The following SMYD3 variants were observed in gnomAD, a reference collection of about 807,000 sequenced individuals.
SMYD3 encodes histone-lysine N-methyltransferase SMYD3.
SMYD3 carries 36 observed loss-of-function variants against 57.7 expected under a neutral mutation model. The ratio of observed to expected loss-of-function variants is 0.62; its 90% CI spans 0.48 to 0.82. The LOEUF is 0.82. Ranked by LOEUF, SMYD3 falls within the 40% of genes least tolerant of loss-of-function variation. The pLI, the probability that SMYD3 is intolerant of heterozygous loss-of-function variation, is 0.00. For missense variants in SMYD3, 515 were observed against 538.8 expected, an observed-to-expected ratio of 0.96 and a Z score of 0.44; for synonymous variants, 211 against 195.0, an observed-to-expected ratio of 1.08 and a Z score of -0.68.
chr1:245,910,995 T>C (rs902885057), intron 8 of SMYD3, among the ~76,000 whole-genome samples: 4 of 151,964 alleles, frequency 2.6e-5, no homozygotes, highest in African/African-American at 9.7e-5. Context: ...AAAGTATTCA[T>C]TGGACAAGAG....
At chr1:245,901,684 A>T (rs926718327) in intron 8 of SMYD3, among the ~76,000 whole-genome samples, 2 of 152,200 alleles carry the variant, frequency 1.3e-5, no homozygotes, top group Non-Finnish European at 2.9e-5. Flanking sequence ...AGATAACCAC[A>T]GGTTAAACAG....
chr1:246,056,940 CCTA>C (rs2060162327), intron 5 of SMYD3, among the ~76,000 whole-genome samples: 1 of 152,184 alleles, frequency 6.6e-6, no homozygotes, highest in Non-Finnish European at 1.5e-5. Context: ...CAGGTCCCGT[CCTA>C]CTGCTGTGAC....
chr1:246,185,683 G>T (rs147907583), intron 5 of SMYD3, among the ~76,000 whole-genome samples: 197 of 152,136 alleles, frequency 1.3e-3, no homozygotes, highest in African/African-American at 4.6e-3. Flanking sequence ...GGATGGTCTC[G>T]ATCTCCTGAT....
rs563481489 is a variant in SMYD3 at position 246,507,237 on chromosome 1, C to G, written c.-20G>C. 811 of 1,494,298 alleles carry G rather than the reference C, an allele frequency of 5.4e-4. 1 individual carries two copies. The African/African-American group carries it at 0.011, about 20-fold the overall frequency. 92.6% of individuals were successfully genotyped at this position (1,494,298 alleles called of 1,614,324 possible). A position where few individuals can be genotyped will look rare whatever the true frequency, so the allele number is the denominator to read the frequency against. ...CTCCATCCTCCCGCAGCTCCGGCAC[C>G]TCAGACGGCTACCCGCGTCCAGCAG... On this transcript the variant is annotated 5_prime_UTR_variant, in exon 1 of 12. Transcript: ENST00000490107.
intron 11 of SMYD3, among the ~76,000 whole-genome samples, 199 bp downstream of exon 11, chr1:245,763,842 T>C (rs1368832746): frequency 6.6e-6 from 1 of 152,210 alleles, no homozygotes; most frequent in Non-Finnish European, 1.5e-5. Context: ...ATGGTGGGCA[T>C]GCCTGCATCA....
At chr1:246,037,022 T>A (rs1180318574) in intron 5 of SMYD3, among the ~76,000 whole-genome samples, 1 of 152,158 alleles carries the variant, frequency 6.6e-6, no homozygotes, top group Non-Finnish European at 1.5e-5. Context: ...GGATGTAGCA[T>A]AATTTATATA....
At chr1:246,099,762 T>C (rs1308398600) in intron 5 of SMYD3, among the ~76,000 whole-genome samples, 1 of 152,206 alleles carries the variant, frequency 6.6e-6, no homozygotes, top group African/African-American at 2.4e-5. Context: ...GGCCTTTTAA[T>C]AGCTCTTTCC....
At chr1:246,125,869 A>G (rs1180226072) in intron 5 of SMYD3, among the ~76,000 whole-genome samples, 7 of 152,182 alleles carry the variant, frequency 4.6e-5, no homozygotes, top group Non-Finnish European at 5.9e-5. Flanking sequence ...CACCACCAAG[A>G]AAACATAATT....
chr1:245,800,698 A>G (rs955015840), intron 10 of SMYD3, among the ~76,000 whole-genome samples: 54 of 152,210 alleles, frequency 3.5e-4, no homozygotes, highest in African/African-American at 1.2e-3. Context: ...GTACAAATGC[A>G]TAAGAAAAGA....
intron 1 of SMYD3, among the ~76,000 whole-genome samples, chr1:246,466,909 T>A (rs528086307): frequency 2.6e-5 from 4 of 152,186 alleles, no homozygotes; most frequent in Non-Finnish European, 5.9e-5. Flanking sequence ...GGCTCACGCC[T>A]GTAATCCCAG....
In SMYD3 at chr1:246,084,139, T is replaced by C. The variant is rs139252904; in HGVS notation, c.532-154202A>G. Among the ~76,000 whole-genome samples the C allele has an allele frequency of 6.0e-3, 910 of 151,864 alleles. 10 individuals carry two copies. Among genetic ancestry groups the C allele is most frequent in the African/African-American group, 0.02 (848 of 41,396 alleles). ...AAATGATTTTTGTGTGATAGAAAGA[T>C]AGCCCCAAAGACAACAGTTTTATTG... On this transcript the variant is annotated intron_variant, in intron 5 of 11. Transcript: ENST00000490107.
chr1:246,429,324 A>C (rs987733928), intron 1 of SMYD3, among the ~76,000 whole-genome samples: 1 of 152,172 alleles, frequency 6.6e-6, no homozygotes, highest in African/African-American at 2.4e-5. Context: ...AAATTCATCA[A>C]ATGTAAGATG....
At chr1:246,450,554 C>T (rs1411283524) in intron 1 of SMYD3, among the ~76,000 whole-genome samples, 4 of 152,150 alleles carry the variant, frequency 2.6e-5, no homozygotes, top group East Asian at 1.9e-4. Flanking sequence ...CGGAATTCAT[C>T]GAATGGTATA....
intron 5 of SMYD3, among the ~76,000 whole-genome samples, chr1:245,979,011 T>A (rs1233579070): frequency 6.6e-6 from 1 of 152,170 alleles, no homozygotes; most frequent in African/African-American, 2.4e-5. Flanking sequence ...CTACCGTATA[T>A]CAGAGAGCCC....
chr1:245,998,929 G>A (rs2058983551), intron 5 of SMYD3, among the ~76,000 whole-genome samples: 1 of 152,166 alleles, frequency 6.6e-6, no homozygotes, highest in Admixed American at 6.5e-5. Flanking sequence ...CCACTTACGA[G>A]AGGTTCTGAG....
At chr1:246,021,761 T>C (rs1184956852) in intron 5 of SMYD3, among the ~76,000 whole-genome samples, 6 of 152,236 alleles carry the variant, frequency 3.9e-5, no homozygotes, top group African/African-American at 1.4e-4. Context: ...GTTTTTTGTT[T>C]GTATATTTTT....
chr1:246,386,781 T>C (rs1475857441), intron 1 of SMYD3, among the ~76,000 whole-genome samples: 1 of 152,074 alleles, frequency 6.6e-6, no homozygotes, highest in South Asian at 2.1e-4. Context: ...GTGGGAGAAA[T>C]TGACCACTTA....
At chr1:246,400,216 T>G (rs926227074) in intron 1 of SMYD3, among the ~76,000 whole-genome samples, 1 of 152,224 alleles carries the variant, frequency 6.6e-6, no homozygotes, top group Non-Finnish European at 1.5e-5. Flanking sequence ...TTTACCCACA[T>G]ACTGTGATAG....
chr1:246,432,591 G>A (rs1174375800), intron 1 of SMYD3, among the ~76,000 whole-genome samples: 3 of 152,220 alleles, frequency 2.0e-5, no homozygotes, highest in Non-Finnish European at 4.4e-5. Flanking sequence ...AGTTCACGAT[G>A]TGAGGTTGAG....
Sources: gnomAD v4.1 joint callset for allele counts (sites outside exome capture counted in the v4.1 genomes callset) on GRCh38, gnomAD v4.1.1 for gene constraint, MANE v1.5 for transcripts, NCBI Gene and HGNC (gene_info 2026-07-23, HGNC 2026-07-21) for gene names.